Variants in TCEA3 observed in about 807,000 individuals in gnomAD.
TCEA3 encodes transcription elongation factor A protein 3.
A neutral mutation model predicts 44.0 loss-of-function variants in TCEA3; 36 were observed. The observed-to-expected ratio is 0.82, with a 90% CI of 0.63 to 1.08. The LOEUF is 1.08. Among genes scored for constraint, TCEA3 ranks in the 50% least tolerant of loss-of-function variants. The pLI, the probability that TCEA3 is intolerant of heterozygous loss-of-function variation, is 0.00. For synonymous variants in TCEA3, 162 were observed against 159.7 expected, an observed-to-expected ratio of 1.01 and a Z score of -0.11; for missense variants, 392 against 441.2, an observed-to-expected ratio of 0.89 and a Z score of 1.00.
intron 8 of TCEA3, among the ~76,000 whole-genome samples, chr1:23,392,499 T>TAAAA (rs1558030822): frequency 6.8e-4 from 3 of 4,404 alleles, no homozygotes; most frequent in African/African-American, 2.7e-3. Flanking sequence ...CATCACACAC[T>TAAAA]CACACTCCAT....
intron 4 of TCEA3, among the ~76,000 whole-genome samples, chr1:23,416,356 T>C (rs1306641029): frequency 6.6e-6 from 1 of 152,200 alleles, no homozygotes; most frequent in Admixed American, 6.5e-5. Context: ...GTTTAGTTTT[T>C]AAAAGCACTA....
chr1:23,408,847 G>T (rs1387159260), intron 4 of TCEA3, 121 bp from the exon 5 acceptor site: 1 of 873,920 alleles, frequency 1.1e-6, no homozygotes, highest in African/African-American at 1.7e-5. Context: ...AGCCCACCCG[G>T]GCCACAGCTA....
intron 4 of TCEA3, among the ~76,000 whole-genome samples, chr1:23,409,089 G>T (rs1346058043): frequency 6.6e-6 from 1 of 152,154 alleles, no homozygotes; most frequent in Non-Finnish European, 1.5e-5. Context: ...TGGATTCCTG[G>T]AGTTGTCTGT....
chr1:23,388,881 G>A (rs189246223), intron 8 of TCEA3, among the ~76,000 whole-genome samples: 4 of 151,994 alleles, frequency 2.6e-5, no homozygotes, highest in Non-Finnish European at 4.4e-5. Context: ...TAGAGATGGG[G>A]TTTTCCCATG....
chr1:23,421,078 T>C (rs1157730878), intron 1 of TCEA3, among the ~76,000 whole-genome samples: 8 of 152,200 alleles, frequency 5.3e-5, no homozygotes, highest in Admixed American at 5.2e-4. Flanking sequence ...ACAGTAGGTT[T>C]TCAGAAGCGT....
intron 4 of TCEA3, among the ~76,000 whole-genome samples, chr1:23,414,533 C>A (rs1033903971): frequency 6.6e-6 from 1 of 152,110 alleles, no homozygotes; most frequent in African/African-American, 2.4e-5. Context: ...TCCTGAGTAG[C>A]TGGGATTACG....
At chr1:23,399,136 G>GTATATATTTATATATATATATATATA (rs1191975371) in intron 5 of TCEA3, among the ~76,000 whole-genome samples, 1 of 58,658 alleles carries the variant, frequency 1.7e-5, no homozygotes, top group Non-Finnish European at 5.0e-5. Flanking sequence ...TTATATATAT[G>GTATATATTTATATATATATATATATA]TATATATGTA....
At position 23,381,426 on chromosome 1, in the gene TCEA3, T is replaced by C. The variant is rs1638668980; in HGVS notation, c.*40A>G. ...CCAGTTCAGATAATTCAGCGCTTCCTCTTTCTTCTTCCTCACCTTGTTCAT... is the reference window on the plus strand; with the variant it reads ...CCAGTTCAGATAATTCAGCGCTTCCCCTTTCTTCTTCCTCACCTTGTTCAT... On this transcript the variant is annotated 3_prime_UTR_variant, in exon 11 of 11. Transcript: ENST00000450454. 1.3e-6 allele frequency: 1 copy of C among 779,860 alleles called. No individual in the cohort carries two copies. The highest frequency in any genetic ancestry group is 1.7e-5 in the Admixed American group (1 of 58,666). The allele number at this position is 779,860 out of a possible 1,614,324, so 48.3% of individuals were successfully genotyped here. A position where few individuals can be genotyped will look rare whatever the true frequency, so the allele number is the denominator to read the frequency against.
intron 9 of TCEA3, among the ~76,000 whole-genome samples, chr1:23,386,782 A>G (rs1198444): frequency 0.88 from 132,638 of 151,582 alleles, 58,350 homozygotes; most frequent in Non-Finnish European, 0.92. Context: ...GTGCAGTGGC[A>G]TGATCTCGGT....
chr1:23,408,838 G>A, intron 4 of TCEA3, 112 bp from the exon 5 acceptor site: 1 of 960,894 alleles, frequency 1.0e-6, no homozygotes, highest in Non-Finnish European at 1.6e-6. Context: ...GGCTAAGGAA[G>A]CCCACCCGGG....
chr1:23,405,614 T>C (rs1639523272), intron 5 of TCEA3, among the ~76,000 whole-genome samples: 1 of 150,522 alleles, frequency 6.6e-6, no homozygotes, highest in Non-Finnish European at 1.5e-5. Flanking sequence ...AAAAAATTAA[T>C]GAGACTTCCT....
intron 5 of TCEA3, among the ~76,000 whole-genome samples, chr1:23,404,374 T>C (rs994582906): frequency 1.2e-4 from 18 of 151,996 alleles, no homozygotes; most frequent in Middle Eastern, 3.4e-3. Flanking sequence ...AAACTCCTCC[T>C]ATTGACTTTC....
intron 5 of TCEA3, among the ~76,000 whole-genome samples, chr1:23,399,610 T>C (rs1639337838): frequency 6.6e-6 from 1 of 152,160 alleles, no homozygotes; most frequent in Non-Finnish European, 1.5e-5. Context: ...CTTCGTTTGC[T>C]TATGCCTATT....
intron 5 of TCEA3, among the ~76,000 whole-genome samples, chr1:23,400,150 C>T (rs995744935): frequency 6.6e-6 from 1 of 152,296 alleles, no homozygotes; most frequent in Non-Finnish European, 1.5e-5. Context: ...GATGGTAAAA[C>T]AAAAGCCACC....
At chr1:23,398,296 C>T (rs572142060) in intron 5 of TCEA3, among the ~76,000 whole-genome samples, 26 of 152,322 alleles carry the variant, frequency 1.7e-4, no homozygotes, top group Non-Finnish European at 2.5e-4. Flanking sequence ...CTGTGCGTTA[C>T]TCATTATAGA....
At chr1:23,382,721 A>G (rs773382621) in intron 10 of TCEA3, among the ~76,000 whole-genome samples, 6 of 152,212 alleles carry the variant, frequency 3.9e-5, no homozygotes, top group Admixed American at 1.3e-4. Context: ...TGGGCTAGAT[A>G]TGAATACCCT....
At position 23,418,335 on chromosome 1, in the gene TCEA3, G is replaced by A. The variant is rs374701265; in HGVS notation, c.133-326C>T. ...CCTCTAGTGTCTATTTTTTTGAGAT[G>A]GAGTCTCGCTATGTTGCCCAGGCTG... On this transcript the variant is annotated intron_variant, in intron 2 of 10. Coordinates refer to ENST00000450454, the MANE Select transcript of TCEA3 (RefSeq NM_003196.3). The A allele has an allele frequency of 9.8e-5, 28 of 284,500 alleles. No homozygotes were observed. In the East Asian group the frequency reaches 1.7e-3, roughly 17 times the overall value. The allele number at this position is 284,500 out of a possible 1,614,324, so 17.6% of individuals were successfully genotyped here.
intron 10 of TCEA3, among the ~76,000 whole-genome samples, chr1:23,382,339 C>T (rs1252391399): frequency 6.6e-6 from 1 of 152,204 alleles, no homozygotes; most frequent in East Asian, 1.9e-4. Context: ...TGCGCCTGGC[C>T]TATCACTCCT....
At chr1:23,387,528 C>T in intron 8 of TCEA3, 109 bp from the exon 9 acceptor site, 1 of 1,291,634 alleles carries the variant, frequency 7.7e-7, no homozygotes, top group East Asian at 2.6e-5. Flanking sequence ...GCTTTATTGA[C>T]TGCAAGGAGC....
Sources: allele counts gnomAD v4.1 joint callset (sites outside exome capture counted in the v4.1 genomes callset), GRCh38; gene constraint gnomAD v4.1.1; transcripts MANE v1.5; gene names NCBI Gene and HGNC (gene_info 2026-07-23, HGNC 2026-07-21).